Variants in ESYT2 observed in about 807,000 individuals in gnomAD.
ESYT2 encodes the protein extended synaptotagmin 2.
Under a neutral mutation model 107.2 loss-of-function variants are expected in ESYT2, and 54 were observed. The ratio of observed to expected loss-of-function variants is 0.50; its 90% confidence interval spans 0.40 to 0.63. ESYT2 has a LOEUF of 0.63. ESYT2 is among the 30% of genes least tolerant of loss of function. The pLI is 0.00. For synonymous variants in ESYT2, 491 were observed against 434.1 expected (o/e 1.13, Z -1.63); for missense variants, 1,020 against 1,094.5 (o/e 0.93, Z 0.96).
At chr7:158,753,327 C>T (rs1247468711) in intron 13 of ESYT2, among the ~76,000 whole-genome samples, 1 of 152,220 alleles carries the variant, frequency 6.6e-6, no homozygotes, top group African/African-American at 2.4e-5. Context: ...AGCAGAGGAG[C>T]TGCTCCTCTC....
intron 6 of ESYT2, among the ~76,000 whole-genome samples, chr7:158,784,211 A>G (rs1250117167): frequency 6.6e-6 from 1 of 152,230 alleles, no homozygotes; most frequent in Non-Finnish European, 1.5e-5. Flanking sequence ...AAAGTCGGGG[A>G]AAAGAGCAGG....
chr7:158,804,087 C>T (rs1335324208), intron 1 of ESYT2, among the ~76,000 whole-genome samples: 1 of 42,218 alleles, frequency 2.4e-5, no homozygotes, highest in Non-Finnish European at 4.1e-5. Context: ...AAACCCAAAC[C>T]GCCGAGAAGG....
chr7:158,764,827 T>G lies in ESYT2; in HGVS notation c.951A>C (p.Glu317Asp). ...TGTCTTTCCCCTGAAGATCCTGAGC[T>G]TCAATAAAATGTATCCTTAGAACAC... is the stretch of plus-strand genomic sequence containing the variant. Reference protein sequence around the residue: ...PKGVLRIHFIEAQDLQGKDTY... With the variant: ...PKGVLRIHFIDAQDLQGKDTY... The change falls in exon 9 of 23, where the codon GAA becomes GAC. Residue 317 changes from glutamate (E) to aspartate (D), a missense_variant. Physicochemically the swap from Glu to Asp is conservative, Grantham distance 45. Coordinates refer to ENST00000275418, the MANE Select transcript of ESYT2 (RefSeq NM_001367773.1). 6.2e-7 allele frequency: 1 copy of G among 1,614,094 alleles called. No homozygotes were observed. Among genetic ancestry groups the G allele is most frequent in the Non-Finnish European group, 8.5e-7 (1 of 1,179,998 alleles).
At chr7:158,771,539 G>A (rs1021830635) in intron 7 of ESYT2, among the ~76,000 whole-genome samples, 4 of 152,226 alleles carry the variant, frequency 2.6e-5, no homozygotes, top group African/African-American at 4.8e-5. Flanking sequence ...CGGGAAAGGC[G>A]ACTAAGTCCG....
At chr7:158,779,432 A>G (rs889119185) in intron 6 of ESYT2, among the ~76,000 whole-genome samples, 5 of 152,234 alleles carry the variant, frequency 3.3e-5, no homozygotes, top group Admixed American at 2.6e-4. Context: ...TGAAAATTAC[A>G]TATAAAACTA....
chr7:158,781,743 GAAC>G (rs1398273862), intron 6 of ESYT2, among the ~76,000 whole-genome samples: 1 of 152,208 alleles, frequency 6.6e-6, no homozygotes, highest in African/African-American at 2.4e-5. Flanking sequence ...GAACGAGTGA[GAAC>G]AAAGTGTGAG....
chr7:158,824,072 AC>A (rs781554036), intron 1 of ESYT2, among the ~76,000 whole-genome samples: 7 of 152,158 alleles, frequency 4.6e-5, no homozygotes, highest in Non-Finnish European at 8.8e-5. Flanking sequence ...TAAACTAAAA[AC>A]CTGATATTTA....
At chr7:158,744,981 G>A (rs574806331) in intron 16 of ESYT2, among the ~76,000 whole-genome samples, 1 of 152,312 alleles carries the variant, frequency 6.6e-6, no homozygotes, top group South Asian at 2.1e-4. Flanking sequence ...GAATACAGAA[G>A]TGCACTTTAT....
intron 8 of ESYT2, among the ~76,000 whole-genome samples, chr7:158,765,071 C>A (rs1302323030): frequency 2.6e-5 from 4 of 152,168 alleles, no homozygotes; most frequent in Non-Finnish European, 5.9e-5. Context: ...CAGCAGTGCC[C>A]AGGTGAGGCT....
chr7:158,739,234 C>A, intron 18 of ESYT2, 113 bp from the exon 19 acceptor site: 1 of 835,974 alleles, frequency 1.2e-6, no homozygotes, highest in Non-Finnish European at 1.8e-6. Context: ...AAAAAGAAGT[C>A]AAATTACCCA....
At chr7:158,801,038 G>C (rs1056574782) in intron 1 of ESYT2, among the ~76,000 whole-genome samples, 1 of 152,180 alleles carries the variant, frequency 6.6e-6, no homozygotes, top group Non-Finnish European at 1.5e-5. Flanking sequence ...GGCAGTGATG[G>C]ACACGAGCAC....
At chr7:158,809,420 G>A (rs1257631417) in intron 1 of ESYT2, among the ~76,000 whole-genome samples, 2 of 128,998 alleles carry the variant, frequency 1.6e-5, no homozygotes, top group East Asian at 4.9e-4. Flanking sequence ...AGGTTGCAGT[G>A]AGCCGAGATC....
Position 158,811,101 on chromosome 7 carries a change from G to A in ESYT2, c.331-12029C>T, listed in dbSNP as rs1002794893. ...CTTGAGCCCAGGAGGTCAAGACTGC[G>A]GTGAGCCATGATTGCACCACTGCAC... On this transcript the variant is annotated intron_variant, in intron 1 of 22. Coordinates refer to ENST00000275418, the MANE Select transcript of ESYT2 (RefSeq NM_001367773.1). Among the ~76,000 whole-genome samples, 11 of 151,700 alleles carry A rather than the reference G, an allele frequency of 7.3e-5. No homozygotes were observed. The East Asian group carries it at 1.2e-3, about 16-fold the overall frequency.
chr7:158,755,688 A>C (rs1837730847), intron 13 of ESYT2, among the ~76,000 whole-genome samples: 1 of 152,232 alleles, frequency 6.6e-6, no homozygotes, highest in Non-Finnish European at 1.5e-5. Context: ...CCTTAGACAT[A>C]TATGAGTAGA....
intron 6 of ESYT2, among the ~76,000 whole-genome samples, chr7:158,777,757 C>G (rs1258468244): frequency 6.6e-6 from 1 of 152,182 alleles, no homozygotes; most frequent in Non-Finnish European, 1.5e-5. Flanking sequence ...TGAGAATGTA[C>G]TAATCCGCCA....
At chr7:158,826,038 AAAC>A (rs1840431048) in intron 1 of ESYT2, among the ~76,000 whole-genome samples, 2 of 151,116 alleles carry the variant, frequency 1.3e-5, no homozygotes, top group African/African-American at 4.9e-5. Context: ...AAAAAAACAA[AAAC>A]AAACCCAAAG....
At chr7:158,772,921 G>C (rs1206826807) in intron 7 of ESYT2, among the ~76,000 whole-genome samples, 1 of 151,398 alleles carries the variant, frequency 6.6e-6, no homozygotes, top group Non-Finnish European at 1.5e-5. Flanking sequence ...CAGAAAGGGT[G>C]GGGTAGCCAT....
intron 6 of ESYT2, among the ~76,000 whole-genome samples, chr7:158,775,842 G>A (rs1838543950): frequency 6.6e-6 from 1 of 152,076 alleles, no homozygotes; most frequent in Admixed American, 6.5e-5. Context: ...GGAGGTTTTC[G>A]ACTTACTTTG....
chr7:158,819,017 T>C (rs1840220250), intron 1 of ESYT2, among the ~76,000 whole-genome samples: 1 of 152,238 alleles, frequency 6.6e-6, no homozygotes, highest in Non-Finnish European at 1.5e-5. Flanking sequence ...AAAGTAGCCA[T>C]TACTCAATTG....
Sources: gnomAD v4.1 joint callset for allele counts (sites outside exome capture counted in the v4.1 genomes callset) on GRCh38, gnomAD v4.1.1 for gene constraint, MANE v1.5 for transcripts, NCBI Gene and HGNC (gene_info 2026-07-23, HGNC 2026-07-21) for gene names.